ERC2: variants seen among roughly 807,000 people sequenced by gnomAD.
The protein encoded by ERC2 is ERC protein 2.
In ERC2, 42 loss-of-function variants were observed where a neutral mutation model predicts 114.8. The observed-to-expected ratio is 0.37, with a 90% CI of 0.29 to 0.47. The LOEUF (loss-of-function observed/expected upper bound fraction) is 0.47, where lower values mean the gene tolerates loss of function less well. Ranked by LOEUF, ERC2 falls within the 20% of genes least tolerant of loss-of-function variation. The pLI, the probability that ERC2 is intolerant of heterozygous loss-of-function variation, is 0.99. For synonymous variants in ERC2, 454 were observed against 425.5 expected (o/e 1.07, Z -0.82); for missense variants, 939 against 1,150.7 (o/e 0.82, Z 2.66).
intron 5 of ERC2, among the ~76,000 whole-genome samples, chr3:56,140,176 G>A (rs944823943): frequency 1.3e-5 from 2 of 151,922 alleles, no homozygotes; most frequent in Non-Finnish European, 1.5e-5. Context: ...GATACAAAAA[G>A]AACATAAAAT....
chr3:56,231,124 T>G (rs1389931492), intron 3 of ERC2, among the ~76,000 whole-genome samples: 1 of 152,236 alleles, frequency 6.6e-6, no homozygotes, highest in African/African-American at 2.4e-5. Context: ...CCAGGGCTCA[T>G]GCCTTTAAGC....
At chr3:55,915,373 A>G (rs2065033627) in intron 13 of ERC2, among the ~76,000 whole-genome samples, 1 of 152,180 alleles carries the variant, frequency 6.6e-6, no homozygotes, top group African/African-American at 2.4e-5. Context: ...GCAGTACAAC[A>G]AAGGGCTGTT....
chr3:56,064,024 G>GA (rs563141347), intron 7 of ERC2, among the ~76,000 whole-genome samples: 1 of 152,076 alleles, frequency 6.6e-6, no homozygotes, highest in South Asian at 2.1e-4. Flanking sequence ...CACTGATCTG[G>GA]AAAAAAAATT....
rs571176018 is a variant in ERC2, at chr3:56,071,735, AG to A, written c.1641+9081del. ...TTTCATCAATGTCATCTCTAGGAGA[AG>A]GACAATTTCAAATCCCTTAGAAGAA... On this transcript the variant is annotated intron_variant, in intron 7 of 17. Transcript: ENST00000288221. 2.1e-4 allele frequency among the ~76,000 whole-genome samples: 32 copies of A among 152,318 alleles called. 1 individual carries two copies. In the South Asian group the frequency reaches 6.6e-3, roughly 32 times the overall value.
At chr3:56,275,971 C>G (rs2053963318) in intron 3 of ERC2, among the ~76,000 whole-genome samples, 1 of 152,176 alleles carries the variant, frequency 6.6e-6, no homozygotes. Context: ...GGTTGAGAAA[C>G]CCTTAGAGGG....
At chr3:56,410,418 T>C (rs950316050) in intron 2 of ERC2, among the ~76,000 whole-genome samples, 3 of 152,220 alleles carry the variant, frequency 2.0e-5, no homozygotes, top group Non-Finnish European at 4.4e-5. Context: ...ATTCCTGTAA[T>C]AATAACTAAC....
chr3:55,789,503 C>G (rs2069804658), intron 14 of ERC2, among the ~76,000 whole-genome samples: 1 of 152,302 alleles, frequency 6.6e-6, no homozygotes, highest in South Asian at 2.1e-4. Flanking sequence ...AAAAAGACAA[C>G]ACTGATGCAT....
intron 14 of ERC2, among the ~76,000 whole-genome samples, chr3:55,853,882 G>A (rs1269441909): frequency 6.6e-6 from 1 of 152,198 alleles, no homozygotes; most frequent in Non-Finnish European, 1.5e-5. Context: ...ACACTACTAA[G>A]CTGGACACTT....
intron 17 of ERC2, among the ~76,000 whole-genome samples, chr3:55,663,323 G>T (rs945005115): frequency 5.3e-5 from 8 of 152,228 alleles, no homozygotes; most frequent in Non-Finnish European, 7.3e-5. Flanking sequence ...AGAGGAGAAA[G>T]GGGCTCGGAG....
chr3:55,910,391 CA>C (rs1237547445), intron 13 of ERC2, among the ~76,000 whole-genome samples: 1 of 148,398 alleles, frequency 6.7e-6, no homozygotes, highest in East Asian at 2.0e-4. Flanking sequence ...GACTCTGTCT[CA>C]ACAAAAAAAC....
chr3:55,571,124 CA>C (rs60594862), intron 17 of ERC2, among the ~76,000 whole-genome samples: 3,555 of 67,140 alleles, frequency 0.053, 15 homozygotes, highest in South Asian at 0.099. Context: ...GAGACTCCGT[CA>C]AAAAAAAAAA....
chr3:56,326,264 C>A (rs1035221515), intron 2 of ERC2, among the ~76,000 whole-genome samples: 1 of 152,186 alleles, frequency 6.6e-6, no homozygotes, highest in Non-Finnish European at 1.5e-5. Flanking sequence ...AGTGGACACA[C>A]AGGAAGAGTG....
At chr3:56,291,368 C>G (rs933928373) in intron 3 of ERC2, among the ~76,000 whole-genome samples, 4 of 152,214 alleles carry the variant, frequency 2.6e-5, no homozygotes, top group African/African-American at 9.6e-5. Flanking sequence ...TGGTTTTGGT[C>G]TTCCAAGTAA....
At chr3:56,340,155 A>G (rs73832588) in intron 2 of ERC2, among the ~76,000 whole-genome samples, 2,981 of 152,304 alleles carry the variant, frequency 0.02, 104 homozygotes, top group African/African-American at 0.065. Flanking sequence ...TGGATTTCTC[A>G]TATCTGAACA....
chr3:56,019,102 C>A, intron 7 of ERC2, 71 bp from the exon 8 acceptor site: 2 of 1,183,602 alleles, frequency 1.7e-6, no homozygotes, highest in Non-Finnish European at 2.3e-6. Flanking sequence ...TGAAGTGGAT[C>A]TATTAATAAA....
intron 2 of ERC2, among the ~76,000 whole-genome samples, chr3:56,388,657 C>T (rs1022184892): frequency 4.6e-5 from 7 of 152,156 alleles, no homozygotes; most frequent in African/African-American, 1.4e-4. Context: ...TTCTCAGAGG[C>T]CTTCCATGAT....
chr3:56,456,215 C>T (rs755304176), intron 1 of ERC2, among the ~76,000 whole-genome samples: 1 of 152,122 alleles, frequency 6.6e-6, no homozygotes, highest in Non-Finnish European at 1.5e-5. Flanking sequence ...AATCCTTTGC[C>T]AAATGCCATT....
chr3:55,525,607 C>T (rs558628493), intron 17 of ERC2, among the ~76,000 whole-genome samples: 2 of 152,266 alleles, frequency 1.3e-5, no homozygotes, highest in East Asian at 3.9e-4. Context: ...TAGAGCCAGG[C>T]CAAAGCTGAC....
At chr3:56,019,328 C>T (rs1327563200) in intron 7 of ERC2, among the ~76,000 whole-genome samples, 2 of 152,100 alleles carry the variant, frequency 1.3e-5, no homozygotes, top group South Asian at 4.1e-4. Flanking sequence ...CTTTTACCAG[C>T]CTTTTAGGTC....
Sources: gnomAD v4.1 joint callset for allele counts (sites outside exome capture counted in the v4.1 genomes callset) on GRCh38, gnomAD v4.1.1 for gene constraint, MANE v1.5 for transcripts, NCBI Gene and HGNC (gene_info 2026-07-23, HGNC 2026-07-21) for gene names.